Variants in WDR75 observed in about 807,000 individuals in gnomAD.
The protein encoded by WDR75 is WD repeat-containing protein 75.
In WDR75, 52 loss-of-function variants were observed where a neutral mutation model predicts 106.1. The ratio of observed to expected loss-of-function variants is 0.49; its 90% confidence interval spans 0.39 to 0.62. WDR75 has a LOEUF of 0.62. Among genes scored for constraint, WDR75 ranks in the 20% least tolerant of loss-of-function variants. The probability of loss-of-function intolerance (pLI) is 0.00; values close to 1 mark genes in which losing one functional copy is unlikely to be tolerated. For synonymous variants in WDR75, 333 were observed against 335.5 expected (o/e 0.99, Z 0.08); for missense variants, 905 against 970.3 (o/e 0.93, Z 0.89).
intron 1 of WDR75, among the ~76,000 whole-genome samples, chr2:189,447,893 C>A (rs952356316): frequency 1.3e-5 from 2 of 152,146 alleles, no homozygotes; most frequent in African/African-American, 2.4e-5. Flanking sequence ...ACCCAAATCT[C>A]ATTTTGAATT....
At chr2:189,455,247 A>AG in intron 4 of WDR75, 73 bp from the exon 5 acceptor site, 2 of 1,537,854 alleles carry the variant, frequency 1.3e-6, no homozygotes, top group Non-Finnish European at 1.7e-6. Flanking sequence ...CCTCAAAAAA[A>AG]AAAGAATAAA....
At chr2:189,445,017 A>G (rs1416828571) in intron 1 of WDR75, among the ~76,000 whole-genome samples, 1 of 152,178 alleles carries the variant, frequency 6.6e-6, no homozygotes, top group Non-Finnish European at 1.5e-5. Flanking sequence ...ATCCTATGTG[A>G]CAGGTGTTGT....
chr2:189,442,208 T>C (rs1241974820), intron 1 of WDR75, among the ~76,000 whole-genome samples: 4 of 152,100 alleles, frequency 2.6e-5, no homozygotes, highest in Non-Finnish European at 5.9e-5. Flanking sequence ...GGGGACAATA[T>C]TTAGTTCATC....
At chr2:189,453,199 C>T (rs146992391) in intron 4 of WDR75, among the ~76,000 whole-genome samples, 16 of 152,244 alleles carry the variant, frequency 1.1e-4, no homozygotes, top group Non-Finnish European at 1.8e-4. Flanking sequence ...TATTTAAGTT[C>T]GGTTTCGTAT....
intron 5 of WDR75, 54 bp downstream of exon 5, chr2:189,455,498 A>G (rs571054918): frequency 1.7e-5 from 27 of 1,573,404 alleles, no homozygotes; most frequent in South Asian, 1.2e-4. Context: ...CTTTCCTGCA[A>G]TCTCTCTTCT....
In WDR75 at chr2:189,459,317, T is replaced by G; in HGVS notation, c.690-19T>G. 6.3e-7 allele frequency: 1 copy of G among 1,582,480 alleles called. No individual in the cohort carries two copies. The highest frequency in any genetic ancestry group is 8.6e-7 in the Non-Finnish European group (1 of 1,159,670). On this transcript the variant is annotated intron_variant, in intron 7 of 20. Coordinates refer to ENST00000314761, the MANE Select transcript of WDR75 (RefSeq NM_032168.3). ...CTTAAACCTATGGTCAAAATAAGAGTTTTATCTTTCTCCAATAGGAGGAAT... is the reference window on the plus strand; with the variant it reads ...CTTAAACCTATGGTCAAAATAAGAGGTTTATCTTTCTCCAATAGGAGGAAT...
At chr2:189,448,638 T>G in intron 2 of WDR75, 130 bp downstream of exon 2, 1 of 1,223,758 alleles carries the variant, frequency 8.2e-7, no homozygotes, top group Non-Finnish European at 1.2e-6. Context: ...TTGTAGGGTA[T>G]TTTCCACTTG....
At chr2:189,446,375 G>A (rs896054047) in intron 1 of WDR75, among the ~76,000 whole-genome samples, 3 of 152,310 alleles carry the variant, frequency 2.0e-5, no homozygotes, top group Admixed American at 2.0e-4. Context: ...GCCCAGGCTG[G>A]AGATGTTAAG....
intron 1 of WDR75, 64 bp downstream of exon 1, chr2:189,441,642 G>A: frequency 6.6e-7 from 1 of 1,525,460 alleles, no homozygotes; most frequent in South Asian, 1.2e-5. Flanking sequence ...GGGTCGGGGA[G>A]AAGGAATTGT....
At chr2:189,450,841 C>T (rs1686603035) in intron 2 of WDR75, 62 bp from the exon 3 acceptor site, 1 of 1,592,468 alleles carries the variant, frequency 6.3e-7, no homozygotes, top group Non-Finnish European at 8.5e-7. Context: ...TTTAATTATT[C>T]ATTTGATATC....
Position 189,467,603 on chromosome 2 carries a change from C to T in WDR75, c.1583C>T (p.Thr528Ile). 6.2e-7 allele frequency: 1 copy of T among 1,607,362 alleles called. No individual in the cohort carries two copies. The highest frequency in any genetic ancestry group is 8.5e-7 in the Non-Finnish European group (1 of 1,177,058). ...EEIVTIWDSV[T>I]WELKCTFCQR... ...ATAGTCACAATATGGGATTCTGTAA[C>T]ATGGGAACTTAAATGTACATTTTGC... Residue 528 changes from threonine to isoleucine, a missense_variant, in exon 14 of 21, where the codon ACA becomes ATA. Physicochemically the swap from Thr to Ile is moderately conservative, Grantham distance 89. Transcript: ENST00000314761.
chr2:189,448,375 C>A lies in WDR75; in HGVS notation c.87-4C>A. The A allele has an allele frequency of 6.2e-7, 1 of 1,602,956 alleles. No individual in the cohort carries two copies. The highest frequency in any genetic ancestry group is 1.1e-5 in the South Asian group (1 of 89,074). On this transcript the variant is annotated splice_region_variant and splice_polypyrimidine_tract_variant and intron_variant, in intron 1 of 20. Transcript: ENST00000314761. Reference sequence around the variant, plus strand: ...AAACTTACTTTTCTTTCTTTTTTTTCCAGGTATATCTTCTGTGTCTCTGGA... The same window carrying A: ...AAACTTACTTTTCTTTCTTTTTTTTACAGGTATATCTTCTGTGTCTCTGGA...
intron 8 of WDR75, among the ~76,000 whole-genome samples, chr2:189,460,345 G>T (rs2105563863): frequency 1.3e-5 from 2 of 152,226 alleles, no homozygotes; most frequent in Middle Eastern, 6.8e-3. Context: ...CAGGAAATAG[G>T]AGACACCTTC....
chr2:189,473,054 C>T (rs1313089320), intron 18 of WDR75, among the ~76,000 whole-genome samples: 1 of 151,974 alleles, frequency 6.6e-6, no homozygotes, highest in Admixed American at 6.6e-5. Flanking sequence ...CCCATCTCTA[C>T]TAAAAATACA....
rs1392848496 is a variant in WDR75, at chr2:189,475,068, A to AATTTTTATAAATAAAAATT, written c.2289-143_2289-142insTTTTATAAATAAAAATTAT. The AATTTTTATAAATAAAAATT allele has an allele frequency of 1.5e-4, 111 of 725,850 alleles. 1 individual carries two copies. Among genetic ancestry groups the AATTTTTATAAATAAAAATT allele is most frequent in the Non-Finnish European group, 1.1e-5 (5 of 452,040 alleles). 45.0% of individuals were successfully genotyped at this position (725,850 alleles called of 1,614,324 possible). The stretch of plus-strand genomic sequence containing the variant: ...TTGTAAATTCACCTGCTCTTTTATA[A>AATTTTTATAAATAAAAATT]ATAACCCATAATTTTTAAAGTGTAC... On this transcript the variant is annotated intron_variant, in intron 20 of 20. Transcript: ENST00000314761.
chr2:189,462,518 A>G lies in WDR75; in HGVS notation c.813A>G (p.Val271=). The change falls in exon 9 of 21, where the codon GTA becomes GTG. Residue 271 remains valine (V), a synonymous_variant. Coordinates refer to ENST00000314761, the MANE Select transcript of WDR75 (RefSeq NM_032168.3). ...TSLLSGGRES[V]LVEWRDATEK... is the part of the protein sequence containing the mutation. ...TGCTGAGTGGCGGTCGTGAATCTGT[A>G]CTTGTAGAGTGGCGCGATGCAACAG... is the stretch of plus-strand genomic sequence containing the variant. The G allele has an allele frequency of 6.2e-7, 1 of 1,614,038 alleles. No homozygotes were observed. The highest frequency in any genetic ancestry group is 8.5e-7 in the Non-Finnish European group (1 of 1,179,962).
rs115249680 is a variant in WDR75, at chr2:189,459,366, G to A, written c.720G>A (p.Thr240=). ...WRNFYDDKKY[T]YTCLHWHHDM... is the part of the protein sequence containing the mutation. Reference sequence around the variant, plus strand: ...ATTTTTATGATGATAAGAAATATACGTACACATGTTTACATTGGCACCATG... The same window carrying A: ...ATTTTTATGATGATAAGAAATATACATACACATGTTTACATTGGCACCATG... Residue 240 remains threonine (T), a synonymous_variant, in exon 8 of 21, where the codon ACG becomes ACA. Coordinates refer to ENST00000314761, the MANE Select transcript of WDR75 (RefSeq NM_032168.3). 249 of 1,612,282 alleles carry A rather than the reference G, an allele frequency of 1.5e-4. 1 individual carries two copies. The South Asian group carries it at 2.0e-3, about 13-fold the overall frequency.
At chr2:189,473,542 A>G (rs976267123) in intron 18 of WDR75, among the ~76,000 whole-genome samples, 4 of 152,124 alleles carry the variant, frequency 2.6e-5, no homozygotes, top group African/African-American at 9.7e-5. Context: ...AACTGCCTAG[A>G]TATGAAGATA....
chr2:189,448,254 C>T (rs920435429), intron 1 of WDR75, 125 bp from the exon 2 acceptor site: 6 of 1,047,124 alleles, frequency 5.7e-6, no homozygotes, highest in South Asian at 2.4e-5. Context: ...GAGGCCCAGG[C>T]AGGCGTATCA....
Sources: gnomAD v4.1 joint callset for allele counts (sites outside exome capture counted in the v4.1 genomes callset) on GRCh38, gnomAD v4.1.1 for gene constraint, MANE v1.5 for transcripts, NCBI Gene and HGNC (gene_info 2026-07-23, HGNC 2026-07-21) for gene names.